The following HEG1 variants were observed in gnomAD, a reference collection of about 807,000 sequenced individuals.
HEG1 encodes heart development protein with EGF like domains 1, also known as protein HEG homolog 1.
Under a neutral mutation model 125.6 loss-of-function variants are expected in HEG1, and 56 were observed. The observed-to-expected ratio is 0.45, with a 90% CI of 0.36 to 0.56. The LOEUF is 0.56. HEG1 is among the 20% of genes least tolerant of loss of function. HEG1 has a pLI of 0.00. For synonymous variants in HEG1, 644 were observed against 668.5 expected (o/e 0.96, Z 0.57); for missense variants, 1,523 against 1,670.0 (o/e 0.91, Z 1.53).
chr3:124,989,607 C>A (rs894070603), intron 14 of HEG1, among the ~76,000 whole-genome samples: 1 of 152,178 alleles, frequency 6.6e-6, no homozygotes, highest in South Asian at 2.1e-4. Context: ...TCTCCAAGAA[C>A]TGGATTAGGT....
Position 125,013,066 on chromosome 3 carries a change from A to G in HEG1, c.2513T>C (p.Met838Thr). Reference protein sequence around the residue: ...LPATSTNLAQMSPTFTTTILK... With the variant: ...LPATSTNLAQTSPTFTTTILK... Reference sequence around the variant, plus strand: ...AATGGTAGTTGTGAAAGTTGGAGACATTTGTGCTAAGTTGGTGCTTGTGGC... The same window carrying G: ...AATGGTAGTTGTGAAAGTTGGAGACGTTTGTGCTAAGTTGGTGCTTGTGGC... Residue 838 changes from methionine (M) to threonine (T), a missense_variant, in exon 6 of 17, where the codon ATG becomes ACG. Transcript: ENST00000311127. 1.2e-6 allele frequency: 2 copies of G among 1,614,002 alleles called. No homozygotes were observed. The highest frequency in any genetic ancestry group is 1.3e-5 in the African/African-American group (1 of 75,038).
intron 1 of HEG1, among the ~76,000 whole-genome samples, chr3:125,038,520 G>A (rs1937567066): frequency 6.6e-6 from 1 of 152,218 alleles, no homozygotes; most frequent in African/African-American, 2.4e-5. Flanking sequence ...TGCCACTGGA[G>A]GTCTTGTTTG....
intron 1 of HEG1, among the ~76,000 whole-genome samples, chr3:125,052,960 C>T (rs1443054961): frequency 1.3e-5 from 2 of 152,242 alleles, no homozygotes; most frequent in African/African-American, 4.8e-5. Context: ...TTGCTGCTGA[C>T]ATCAGTGTAT....
Position 125,021,014 on chromosome 3 carries a change from G to A in HEG1, c.1030C>T (p.Arg344Ter), listed in dbSNP as rs761028142. Residue 344 changes from arginine (R) to a stop codon, truncating the protein, a stop_gained, in exon 4 of 17, where the codon CGA becomes TGA. Coordinates refer to ENST00000311127, the MANE Select transcript of HEG1 (RefSeq NM_020733.2). LOFTEE classifies it high-confidence loss of function. Reference protein sequence around the residue: ...VFTDGGPRTLRSLTVSLGPVS... With the variant: ...VFTDGGPRTL The stretch of plus-strand genomic sequence containing the variant: ...GGTCCCAGACTGACCGTCAAAGATC[G>A]CAGCGTTCTCGGGCCACCATCAGTG... 3 of 1,613,568 alleles carry A rather than the reference G, an allele frequency of 1.9e-6. No individual in the cohort carries two copies. Among genetic ancestry groups the A allele is most frequent in the Non-Finnish European group, 2.5e-6 (3 of 1,179,810 alleles).
chr3:125,010,096 C>T (rs1937134978), intron 7 of HEG1, among the ~76,000 whole-genome samples: 1 of 152,168 alleles, frequency 6.6e-6, no homozygotes, highest in Admixed American at 6.5e-5. Context: ...GACTGTTTCA[C>T]ATAACATCTG....
At position 124,970,709 on chromosome 3, in the gene HEG1, G is replaced by C. The variant is rs774013058; in HGVS notation, c.4089C>G (p.Pro1363=). The C allele has an allele frequency of 6.2e-7, 1 of 1,609,164 alleles. No homozygotes were observed. The highest frequency in any genetic ancestry group is 1.7e-5 in the Admixed American group (1 of 59,368). The change falls in exon 17 of 17, where the codon CCC becomes CCG. Residue 1363 remains proline, a synonymous_variant. Transcript: ENST00000311127. ...LPGSRHSCIF[P]GQYNPSFISD... is the part of the protein sequence containing the mutation. The stretch of plus-strand genomic sequence containing the variant: ...TGATGAAAGACGGGTTATACTGTCC[G>C]GGGAAAATGCAAGAATGCCGTGATC...
At chr3:125,049,275 A>G (rs1937750409) in intron 1 of HEG1, among the ~76,000 whole-genome samples, 5 of 152,216 alleles carry the variant, frequency 3.3e-5, no homozygotes, top group Non-Finnish European at 7.3e-5. Flanking sequence ...GGACCTTCAC[A>G]GACCTCCACA....
intron 16 of HEG1, 103 bp from the exon 17 acceptor site, chr3:124,970,904 G>C: frequency 1.0e-6 from 1 of 996,634 alleles, no homozygotes; most frequent in Non-Finnish European, 1.5e-6. Flanking sequence ...AAAAGATCTG[G>C]GTTTATCCTG....
At chr3:124,998,296 C>G (rs114319347) in intron 11 of HEG1, among the ~76,000 whole-genome samples, 2,399 of 152,318 alleles carry the variant, frequency 0.016, 26 homozygotes, top group Middle Eastern at 0.044. Context: ...CATCTCAGCT[C>G]TGTGTGTCTG....
intron 1 of HEG1, among the ~76,000 whole-genome samples, chr3:125,051,498 C>G (rs949523586): frequency 1.3e-5 from 2 of 152,268 alleles, no homozygotes; most frequent in African/African-American, 4.8e-5. Context: ...ACCGTGTGAT[C>G]TAACCTCTCC....
chr3:125,013,810 A>G lies in HEG1; in HGVS notation c.1769T>C (p.Ile590Thr). 6.2e-7 allele frequency: 1 copy of G among 1,613,946 alleles called. No individual in the cohort carries two copies. The highest frequency in any genetic ancestry group is 1.3e-5 in the African/African-American group (1 of 75,032). ...ATACTCTGAATGTGAAGAGTTTGAG[A>G]TTTTAATATAAGAAGTTGAGCTCTC... The part of the protein sequence containing the change: ...IVESSTSYIK[I>T]SNSSHSEYSS... Residue 590 changes from isoleucine (I) to threonine (T), a missense_variant, in exon 6 of 17, where the codon ATC becomes ACC. Transcript: ENST00000311127.
At chr3:125,049,203 T>C (rs978744708) in intron 1 of HEG1, among the ~76,000 whole-genome samples, 1 of 152,180 alleles carries the variant, frequency 6.6e-6, no homozygotes, top group Non-Finnish European at 1.5e-5. Flanking sequence ...GCCTTTTAAC[T>C]TGGATAGTTT....
chr3:125,042,825 T>C (rs534346850), intron 1 of HEG1, among the ~76,000 whole-genome samples: 5 of 152,300 alleles, frequency 3.3e-5, no homozygotes, highest in African/African-American at 1.2e-4. Flanking sequence ...TGCAAGAACC[T>C]TGGGGGCCTG....
chr3:124,973,703 G>T, intron 16 of HEG1, 28 bp downstream of exon 16: 1 of 1,580,262 alleles, frequency 6.3e-7, no homozygotes, highest in Non-Finnish European at 8.6e-7. Context: ...CGGGGGCCCT[G>T]GGGTCATCCT....
rs201309365 is a variant in HEG1, at chr3:125,010,519, C to T, written c.2993G>A (p.Gly998Asp). ...SCAVNPCLHN[G>D]ECVADNTSRG... ...GCTGGTGTTGTCTGCGACGCATTCG[C>T]CATTGTGAAGACAAGGGTTCACAGC... The change falls in exon 7 of 17, where the codon GGC (glycine) becomes GAC (aspartate). Residue 998 changes from glycine (G) to aspartate (D), a missense_variant. Coordinates refer to ENST00000311127, the MANE Select transcript of HEG1 (RefSeq NM_020733.2). The T allele has an allele frequency of 3.8e-6, 6 of 1,559,668 alleles. No homozygotes were observed. The highest frequency in any genetic ancestry group is 5.2e-6 in the Non-Finnish European group (6 of 1,151,144).
intron 8 of HEG1, 67 bp from the exon 9 acceptor site, chr3:125,005,435 A>G: frequency 1.2e-6 from 1 of 856,002 alleles, no homozygotes; most frequent in Non-Finnish European, 1.8e-6. Flanking sequence ...GTGTGTTTGC[A>G]CATCTCTGGG....
At chr3:124,974,852 G>A (rs1388048962) in intron 15 of HEG1, among the ~76,000 whole-genome samples, 2 of 152,130 alleles carry the variant, frequency 1.3e-5, no homozygotes, top group East Asian at 1.9e-4. Flanking sequence ...TGGAAGTTGG[G>A]AACAGACCTG....
chr3:125,006,234 G>A (rs1237365952), intron 8 of HEG1, among the ~76,000 whole-genome samples: 1 of 152,152 alleles, frequency 6.6e-6, no homozygotes, highest in Admixed American at 6.5e-5. Flanking sequence ...GACACTGTTG[G>A]GTTCGGAAAT....
At chr3:125,044,472 C>G (rs56123657) in intron 1 of HEG1, among the ~76,000 whole-genome samples, 2 of 152,074 alleles carry the variant, frequency 1.3e-5, no homozygotes, top group Non-Finnish European at 2.9e-5. Context: ...ACGTAGGTAG[C>G]ATCCACTCCA....
Sources: gnomAD v4.1 joint callset for allele counts (sites outside exome capture counted in the v4.1 genomes callset) on GRCh38, gnomAD v4.1.1 for gene constraint, MANE v1.5 for transcripts, NCBI Gene and HGNC (gene_info 2026-07-23, HGNC 2026-07-21) for gene names.